Variants in ADAM23 observed in about 807,000 individuals in gnomAD.
ADAM23 encodes ADAM metallopeptidase domain 23.
ADAM23 carries 33 observed loss-of-function variants against 120.1 expected under a neutral mutation model. That is an observed-to-expected ratio of 0.27 (90% confidence interval 0.21 to 0.37). ADAM23 has a LOEUF of 0.37. ADAM23 is among the 10% of genes least tolerant of loss of function. ADAM23 has a pLI of 1.00. For missense variants in ADAM23, 862 were observed against 1,058.2 expected (o/e 0.81, Z 2.57); for synonymous variants, 367 against 375.2 (o/e 0.98, Z 0.25).
intron 3 of ADAM23, among the ~76,000 whole-genome samples, chr2:206,505,959 A>G (rs1696488882): frequency 6.6e-6 from 1 of 152,136 alleles, no homozygotes; most frequent in African/African-American, 2.4e-5. Context: ...TTAGAGAGAG[A>G]ATGTGGGATT....
chr2:206,505,888 A>T (rs1181910645), intron 3 of ADAM23, among the ~76,000 whole-genome samples: 1 of 152,132 alleles, frequency 6.6e-6, no homozygotes, highest in African/African-American at 2.4e-5. Flanking sequence ...CTAAAGAGGC[A>T]CCCCCATATA....
At chr2:206,572,964 C>A in intron 17 of ADAM23, 151 bp from the exon 18 acceptor site, 1 of 716,196 alleles carries the variant, frequency 1.4e-6, no homozygotes, top group Non-Finnish European at 2.4e-6. Flanking sequence ...TGTTTCTATT[C>A]TGCAATAGGA....
intron 3 of ADAM23, among the ~76,000 whole-genome samples, chr2:206,504,308 G>C (rs1696451221): frequency 6.6e-6 from 1 of 152,020 alleles, no homozygotes. Flanking sequence ...CTGTTTTCTT[G>C]TTATATAGGT....
Position 206,610,017 on chromosome 2 carries a change from GTCT to G in ADAM23, c.2450+24_2450+26del, listed in dbSNP as rs538461250. The G allele has an allele frequency of 1.7e-4, 260 of 1,546,130 alleles. No homozygotes were observed. The South Asian group carries it at 3.0e-3, about 18-fold the overall frequency. ...GGGATTTAAGTAAGCAACGCCGCAT[GTCT>G]TCTTCTCAGTGGCTCTGGCATTTCT... On this transcript the variant is annotated intron_variant, in intron 25 of 25. Transcript: ENST00000264377.
chr2:206,467,311 C>A (rs998522414), intron 2 of ADAM23, among the ~76,000 whole-genome samples: 1 of 152,186 alleles, frequency 6.6e-6, no homozygotes, highest in Non-Finnish European at 1.5e-5. Flanking sequence ...CCTATAAAAT[C>A]AAAACCAAGA....
chr2:206,496,789 A>T (rs1182479963), intron 3 of ADAM23, among the ~76,000 whole-genome samples: 1 of 152,210 alleles, frequency 6.6e-6, no homozygotes, highest in Non-Finnish European at 1.5e-5. Flanking sequence ...AGAAGAATCA[A>T]ATAGACACAA....
rs377349763 is a variant in ADAM23 at position 206,513,619 on chromosome 2, TAGCTA to T, written c.510-17263_510-17259del. On this transcript the variant is annotated intron_variant, in intron 3 of 25. Transcript: ENST00000264377. ...GCTGAAGCAAGTTATCCAGAACATC[TAGCTA>T]AGATAATTAATAAAAGTGGCTACAC... is the stretch of plus-strand genomic sequence containing the variant. 4.1e-4 allele frequency among the ~76,000 whole-genome samples: 62 copies of T among 152,300 alleles called. No individual in the cohort carries two copies. The East Asian group carries it at 0.011, about 27-fold the overall frequency.
chr2:206,472,732 G>C (rs1695686635), intron 2 of ADAM23, among the ~76,000 whole-genome samples: 1 of 152,144 alleles, frequency 6.6e-6, no homozygotes, highest in Admixed American at 6.5e-5. Flanking sequence ...GATTTGGTCA[G>C]AAGTTAAAAT....
Position 206,589,635 on chromosome 2 carries a change from A to T in ADAM23, c.1958+121A>T, listed in dbSNP as rs182520723. 1.3e-5 allele frequency: 9 copies of T among 705,950 alleles called. No homozygotes were observed. The Admixed American group carries it at 2.2e-4, about 17-fold the overall frequency. 43.7% of individuals were successfully genotyped at this position (705,950 alleles called of 1,614,324 possible). A position where few individuals can be genotyped will look rare whatever the true frequency, so the allele number is the denominator to read the frequency against. On this transcript the variant is annotated intron_variant, in intron 21 of 25. Transcript: ENST00000264377. ...CTAAGTGTTCACCATTCCAAAATTT[A>T]AAGTATTTATTTTTAATAGGTATTA... is the stretch of plus-strand genomic sequence containing the variant.
intron 14 of ADAM23, among the ~76,000 whole-genome samples, chr2:206,566,245 A>G (rs1184098838): frequency 6.6e-6 from 1 of 150,406 alleles, no homozygotes; most frequent in Non-Finnish European, 1.5e-5. Flanking sequence ...ATAAGATAAA[A>G]TGTTTTAAAG....
Position 206,569,568 on chromosome 2 carries a change from A to T in ADAM23, c.1495-1172A>T, listed in dbSNP as rs920303001. On this transcript the variant is annotated intron_variant, in intron 15 of 25. Coordinates refer to ENST00000264377, the MANE Select transcript of ADAM23 (RefSeq NM_003812.4). ...ACTGCCATGTTTTCCACACTGTTGG[A>T]GATAGTGACCCGTCTCAGGATGGAG... Among the ~76,000 whole-genome samples the T allele has an allele frequency of 2.6e-5, 4 of 152,124 alleles. No individual in the cohort carries two copies. The South Asian group carries it at 8.3e-4, about 32-fold the overall frequency.
At chr2:206,479,459 G>T (rs1158380441) in intron 2 of ADAM23, among the ~76,000 whole-genome samples, 1 of 152,002 alleles carries the variant, frequency 6.6e-6, no homozygotes. Flanking sequence ...TATACTTAAG[G>T]ATTTATCTTA....
At chr2:206,585,579 A>G (rs1406215421) in intron 18 of ADAM23, among the ~76,000 whole-genome samples, 2 of 152,348 alleles carry the variant, frequency 1.3e-5, no homozygotes, top group Middle Eastern at 3.4e-3. Flanking sequence ...AAATGGCTCA[A>G]TATGTGCAGC....
chr2:206,577,070 G>A (rs1280253748), intron 18 of ADAM23, among the ~76,000 whole-genome samples: 1 of 152,060 alleles, frequency 6.6e-6, no homozygotes, highest in Admixed American at 6.5e-5. Context: ...CTCATAAGCA[G>A]AATAAAGTGC....
intron 6 of ADAM23, among the ~76,000 whole-genome samples, chr2:206,543,933 G>A (rs1214459934): frequency 6.6e-6 from 1 of 152,184 alleles, no homozygotes; most frequent in Non-Finnish European, 1.5e-5. Context: ...TAAGCCATGA[G>A]GACACAAAGG....
intron 3 of ADAM23, among the ~76,000 whole-genome samples, chr2:206,482,881 G>C (rs1695926524): frequency 6.6e-6 from 1 of 152,202 alleles, no homozygotes; most frequent in Non-Finnish European, 1.5e-5. Flanking sequence ...CTAGGCATGT[G>C]AGATAGTATA....
At chr2:206,514,941 A>C (rs1362427718) in intron 3 of ADAM23, among the ~76,000 whole-genome samples, 1 of 152,240 alleles carries the variant, frequency 6.6e-6, no homozygotes, top group Non-Finnish European at 1.5e-5. Flanking sequence ...ACTAGAGTAC[A>C]GTATAGTGTA....
chr2:206,477,897 A>AAAAAAAATATATATATATATATAT (rs374524658), intron 2 of ADAM23, among the ~76,000 whole-genome samples: 1 of 93,576 alleles, frequency 1.1e-5, no homozygotes, highest in Non-Finnish European at 2.0e-5. Context: ...AAAAAAAAAA[A>AAAAAAAATATATATATATATATAT]ATATATATAT....
intron 24 of ADAM23, chr2:206,605,694 A>C (rs1236827623): frequency 3.0e-6 from 2 of 672,472 alleles, no homozygotes; most frequent in Admixed American, 4.7e-5. Context: ...TATTTAGCCA[A>C]CTTTCAAAGC....
Sources: gnomAD v4.1 joint callset for allele counts (sites outside exome capture counted in the v4.1 genomes callset) on GRCh38, gnomAD v4.1.1 for gene constraint, MANE v1.5 for transcripts, NCBI Gene and HGNC (gene_info 2026-07-23, HGNC 2026-07-21) for gene names.